Variants in MAST4 observed in about 807,000 individuals in gnomAD.
MAST4 encodes the protein microtubule-associated serine/threonine-protein kinase 4.
A neutral mutation model predicts 162.7 loss-of-function variants in MAST4; 89 were observed. The ratio of observed to expected loss-of-function variants is 0.55; its 90% CI spans 0.46 to 0.65. The LOEUF (loss-of-function observed/expected upper bound fraction) is 0.65, where lower values mean the gene tolerates loss of function less well. Ranked by LOEUF, MAST4 falls within the 30% of genes least tolerant of loss-of-function variation. The pLI is 0.00. For missense variants in MAST4, 3,153 were observed against 3,374.0 expected, an observed-to-expected ratio of 0.93 and a Z score of 1.62; for synonymous variants, 1,479 against 1,361.1, an observed-to-expected ratio of 1.09 and a Z score of -1.91.
intron 1 of MAST4, among the ~76,000 whole-genome samples, chr5:66,643,878 GTT>G (rs71610525): frequency 5.6e-5 from 8 of 141,966 alleles, no homozygotes; most frequent in African/African-American, 1.5e-4. Context: ...AATAGCTTGT[GTT>G]TTTTTTTTTT....
chr5:66,664,077 G>C (rs1747083300), intron 1 of MAST4, among the ~76,000 whole-genome samples: 1 of 152,094 alleles, frequency 6.6e-6, no homozygotes, highest in African/African-American at 2.4e-5. Flanking sequence ...AAGAGTTTCT[G>C]GTGTGAGAAT....
chr5:67,078,671 A>ATT (rs1334885779), intron 5 of MAST4, among the ~76,000 whole-genome samples: 31 of 137,562 alleles, frequency 2.3e-4, no homozygotes, highest in African/African-American at 8.2e-4. Context: ...TTTTATATTT[A>ATT]TATTATATTT....
intron 1 of MAST4, among the ~76,000 whole-genome samples, chr5:66,752,962 C>G (rs560178751): frequency 6.6e-6 from 1 of 151,586 alleles, no homozygotes; most frequent in South Asian, 2.1e-4. Flanking sequence ...TCTCAGACCA[C>G]AGTGCAATCA....
Position 67,090,195 on chromosome 5 carries a change from C to T in MAST4, c.797C>T (p.Ser266Phe). 1 of 1,612,678 alleles carries T rather than the reference C, an allele frequency of 6.2e-7. No individual in the cohort carries two copies. The highest frequency in any genetic ancestry group is 8.5e-7 in the Non-Finnish European group (1 of 1,179,132). Residue 266 changes from serine (S) to phenylalanine (F), a missense_variant, in exon 6 of 29, where the codon TCC becomes TTC. By Grantham distance (155) the Ser-to-Phe change is radical. Around this residue, in one of 7 missense-constraint regions of MAST4, gnomAD observed 360 missense variants for 450.0 expected, o/e 0.80. Coordinates refer to ENST00000403625, the MANE Select transcript of MAST4 (RefSeq NM_001164664.2). The stretch of plus-strand genomic sequence containing the variant: ...CCTCAAGATAGTCCAAGAAATTTCT[C>T]CCCCAGTGCCTCAGCCCATTTTTCA... ...NSPQDSPRNF[S>F]PSASAHFSFA...
intron 5 of MAST4, among the ~76,000 whole-genome samples, chr5:67,087,258 G>A (rs192653404): frequency 1.2e-4 from 18 of 152,114 alleles, no homozygotes; most frequent in Middle Eastern, 6.8e-3. Context: ...TTTTTCACTC[G>A]TTTCTAATCT....
intron 1 of MAST4, among the ~76,000 whole-genome samples, chr5:66,620,204 G>A (rs190645676): frequency 5.9e-5 from 9 of 152,152 alleles, no homozygotes; most frequent in South Asian, 2.1e-4. Flanking sequence ...GAAGGTGGAT[G>A]CTTGTGTTTT....
At chr5:67,016,489 C>A (rs1007767653) in intron 4 of MAST4, among the ~76,000 whole-genome samples, 1 of 152,138 alleles carries the variant, frequency 6.6e-6, no homozygotes, top group Non-Finnish European at 1.5e-5. Flanking sequence ...TAATTTTGAT[C>A]TTTGGTACAG....
At chr5:66,805,202 TAGCC>T (rs1756128234) in intron 3 of MAST4, among the ~76,000 whole-genome samples, 1 of 152,248 alleles carries the variant, frequency 6.6e-6, no homozygotes, top group Non-Finnish European at 1.5e-5. Flanking sequence ...TTTCCAGAGA[TAGCC>T]AGTTATTCCA....
chr5:66,788,868 T>G lies in MAST4; in HGVS notation c.642+74T>G, dbSNP rs1467809355. 4 of 1,432,328 alleles carry G rather than the reference T, an allele frequency of 2.8e-6. No individual in the cohort carries two copies. The East Asian group carries it at 1.0e-4, about 37-fold the overall frequency. 88.7% of individuals were successfully genotyped at this position (1,432,328 alleles called of 1,614,324 possible). On this transcript the variant is annotated intron_variant, in intron 3 of 28. Transcript: ENST00000403625. ...CTAGGGACAATTTAAGTTAATTGAG[T>G]TTAACTATATTTAAACTTACCCACA...
At chr5:66,949,499 C>T (rs567049702) in intron 4 of MAST4, among the ~76,000 whole-genome samples, 14 of 152,290 alleles carry the variant, frequency 9.2e-5, no homozygotes, top group African/African-American at 2.6e-4. Flanking sequence ...CTTCCCCTTC[C>T]GCCATGATTG....
At chr5:67,087,619 G>T (rs778196281) in intron 5 of MAST4, among the ~76,000 whole-genome samples, 4 of 152,086 alleles carry the variant, frequency 2.6e-5, no homozygotes, top group Non-Finnish European at 5.9e-5. Context: ...CTGAAATTGA[G>T]CTAGAGTCCC....
At chr5:66,908,872 G>A (rs899243400) in intron 4 of MAST4, among the ~76,000 whole-genome samples, 2 of 152,102 alleles carry the variant, frequency 1.3e-5, no homozygotes, top group East Asian at 1.9e-4. Context: ...TAACCTCTAT[G>A]TGCCTTAGTT....
chr5:66,683,683 G>A (rs1391966215), intron 1 of MAST4, among the ~76,000 whole-genome samples: 1 of 152,132 alleles, frequency 6.6e-6, no homozygotes. Context: ...CCTGCCTTGG[G>A]GTTGTTAAGA....
chr5:66,957,560 T>C (rs1012118350), intron 4 of MAST4, among the ~76,000 whole-genome samples: 3 of 152,214 alleles, frequency 2.0e-5, no homozygotes, highest in African/African-American at 7.2e-5. Context: ...ATTTCAAGTA[T>C]GGATTTGTTA....
At chr5:66,771,491 G>A (rs1754357026) in intron 2 of MAST4, among the ~76,000 whole-genome samples, 2 of 152,048 alleles carry the variant, frequency 1.3e-5, no homozygotes, top group Admixed American at 6.6e-5. Context: ...TGGCCTGTGT[G>A]TAAATATATT....
intron 1 of MAST4, among the ~76,000 whole-genome samples, chr5:66,599,761 T>C (rs1479528890): frequency 6.6e-6 from 1 of 152,162 alleles, no homozygotes; most frequent in Non-Finnish European, 1.5e-5. Flanking sequence ...TTTATTTGTC[T>C]CCAGTTATTT....
intron 4 of MAST4, among the ~76,000 whole-genome samples, chr5:66,946,078 G>T (rs1015082027): frequency 1.3e-5 from 2 of 152,078 alleles, no homozygotes; most frequent in African/African-American, 4.8e-5. Flanking sequence ...AGAAAAGAGG[G>T]AGAAACATGA....
rs115688146 is a variant in MAST4 at position 66,878,447 on chromosome 5, G to A, written c.643-21504G>A. The stretch of plus-strand genomic sequence containing the variant: ...TTGTACACAACAATTCAGCACCTTT[G>A]GGCAGTGAGGTTAAATAACTCACAC... On this transcript the variant is annotated intron_variant, in intron 3 of 28. Coordinates refer to ENST00000403625, the MANE Select transcript of MAST4 (RefSeq NM_001164664.2). Among the ~76,000 whole-genome samples, 388 of 152,258 alleles carry A rather than the reference G, an allele frequency of 2.5e-3. 3 individuals carry two copies. Among genetic ancestry groups the A allele is most frequent in the African/African-American group, 9.1e-3 (380 of 41,546 alleles).
chr5:66,689,790 G>A (rs1748922432), intron 1 of MAST4, among the ~76,000 whole-genome samples: 1 of 152,198 alleles, frequency 6.6e-6, no homozygotes, highest in African/African-American at 2.4e-5. Flanking sequence ...AACGTACAGT[G>A]CCTGGTAGTG....
Sources: gnomAD v4.1 joint callset for allele counts (sites outside exome capture counted in the v4.1 genomes callset) on GRCh38, gnomAD v4.1.1 for gene constraint, gnomAD v4.1.1 regional missense constraint, MANE v1.5 for transcripts, NCBI Gene and HGNC (gene_info 2026-07-23, HGNC 2026-07-21) for gene names.